Variants in ANO6 observed in about 807,000 individuals in gnomAD.
ANO6 encodes the protein anoctamin 6.
A neutral mutation model predicts 117.5 loss-of-function variants in ANO6; 106 were observed. The ratio of observed to expected loss-of-function variants is 0.90; its 90% CI spans 0.77 to 1.06. ANO6 has a LOEUF of 1.06. ANO6 is among the 50% of genes least tolerant of loss of function. The pLI, the probability that ANO6 is intolerant of heterozygous loss-of-function variation, is 0.00. For synonymous variants in ANO6, 367 were observed against 385.1 expected, an observed-to-expected ratio of 0.95 and a Z score of 0.55; for missense variants, 955 against 1,121.1, an observed-to-expected ratio of 0.85 and a Z score of 2.12.
chr12:45,326,690 A>G (rs1367930222), intron 2 of ANO6, among the ~76,000 whole-genome samples: 2 of 152,070 alleles, frequency 1.3e-5, no homozygotes, highest in East Asian at 3.9e-4. Flanking sequence ...TGTATACATC[A>G]TTTCCTATTT....
chr12:45,300,799 A>G (rs1328861046), intron 1 of ANO6, among the ~76,000 whole-genome samples: 1 of 152,212 alleles, frequency 6.6e-6, no homozygotes, highest in East Asian at 1.9e-4. Flanking sequence ...TTCTATTCAA[A>G]TTTTTGCAAG....
intron 9 of ANO6, among the ~76,000 whole-genome samples, chr12:45,377,679 A>T (rs1245613909): frequency 1.3e-5 from 2 of 152,224 alleles, no homozygotes; most frequent in African/African-American, 4.8e-5. Context: ...CTTAGGGATC[A>T]TTGTATTTGT....
intron 7 of ANO6, 125 bp from the exon 8 acceptor site, chr12:45,357,162 TTTA>T: frequency 9.5e-7 from 1 of 1,049,064 alleles, no homozygotes; most frequent in Non-Finnish European, 1.4e-6. Flanking sequence ...AAATGAATGT[TTTA>T]AGGGTGAATT....
intron 1 of ANO6, chr12:45,270,355 CTTG>C (rs1298486402): frequency 3.0e-6 from 4 of 1,354,888 alleles, no homozygotes; most frequent in South Asian, 2.0e-5. Context: ...AGGTCAGGTC[CTTG>C]TTGTTACAGA....
At chr12:45,425,875 T>C (rs1217556059) in intron 19 of ANO6, among the ~76,000 whole-genome samples, 1 of 152,218 alleles carries the variant, frequency 6.6e-6, no homozygotes, top group Non-Finnish European at 1.5e-5. Context: ...CTAAGATGTG[T>C]AAAGTGAGAT....
exon 20 of ANO6, chr12:45,439,812 T>C: frequency 1.3e-6 from 2 of 1,549,638 alleles, no homozygotes; most frequent in Non-Finnish European, 1.7e-6. Context: ...CTTCTGACTT[T>C]ATTGACTCCC....
At chr12:45,406,551 C>T in intron 15 of ANO6, among the ~76,000 whole-genome samples, 1 of 151,918 alleles carries the variant, frequency 6.6e-6, no homozygotes, top group East Asian at 1.9e-4. Flanking sequence ...TATATTGTAA[C>T]ATAAACGCCT....
intron 8 of ANO6, among the ~76,000 whole-genome samples, chr12:45,365,142 TGTGA>T (rs1446919585): frequency 6.6e-6 from 1 of 152,224 alleles, no homozygotes; most frequent in Non-Finnish European, 1.5e-5. Context: ...CATGGCTGTG[TGTGA>T]GTGTGTATTG....
chr12:45,439,557 C>A (rs549375861), intron 19 of ANO6: 91 of 981,516 alleles, frequency 9.3e-5, no homozygotes, highest in Non-Finnish European at 1.2e-4. Flanking sequence ...GACCTTTAAA[C>A]AAATTCTCAA....
At chr12:45,222,892 T>C (rs1240690911) in intron 1 of ANO6, among the ~76,000 whole-genome samples, 2 of 152,238 alleles carry the variant, frequency 1.3e-5, no homozygotes, top group African/African-American at 4.8e-5. Context: ...CTATTAGTAT[T>C]AAATCGTATG....
chr12:45,402,366 G>A (rs1763642041), intron 13 of ANO6, among the ~76,000 whole-genome samples: 1 of 152,184 alleles, frequency 6.6e-6, no homozygotes, highest in African/African-American at 2.4e-5. Context: ...TGGCAAATAT[G>A]TTCCTCGGTT....
chr12:45,302,054 A>G lies in ANO6; in HGVS notation c.111A>G (p.Gly37=). 1 of 1,614,030 alleles carries G rather than the reference A, an allele frequency of 6.2e-7. No individual in the cohort carries two copies. Among genetic ancestry groups the G allele is most frequent in the African/African-American group, 1.3e-5 (1 of 75,050 alleles). The change falls in exon 2 of 20, where the codon GGA becomes GGG. Residue 37 remains glycine, a synonymous_variant. Coordinates refer to ENST00000320560, the MANE Select transcript of ANO6 (RefSeq NM_001025356.3). ...GACAGACAATTGTCCCCGATTTGGG[A>G]TCACTGGAAAGTCAGCATGATTTTC... ...NLGQTIVPDL[G]SLESQHDFRT... is the part of the protein sequence containing the mutation.
Position 45,402,976 on chromosome 12 carries a change from G to A in ANO6, c.1613-96G>A, listed in dbSNP as rs965914618. On this transcript the variant is annotated intron_variant, in intron 13 of 19. Transcript: ENST00000320560. ...ACAGTGTGAATTGTATTTTTTTAAC[G>A]TGTTTAACGTGTTAACTCATGTATC... is the stretch of plus-strand genomic sequence containing the variant. 5.7e-5 allele frequency: 63 copies of A among 1,112,252 alleles called. No individual in the cohort carries two copies. In the Middle Eastern group the frequency reaches 6.9e-4, roughly 12 times the overall value. 68.9% of individuals were successfully genotyped at this position (1,112,252 alleles called of 1,614,324 possible).
chr12:45,247,401 G>A (rs1331767481), intron 1 of ANO6, among the ~76,000 whole-genome samples: 1 of 152,184 alleles, frequency 6.6e-6, no homozygotes, highest in Non-Finnish European at 1.5e-5. Context: ...GGTAGGTGCT[G>A]TTATATTACC....
chr12:45,251,605 A>T (rs759387956), intron 1 of ANO6, among the ~76,000 whole-genome samples: 2 of 152,180 alleles, frequency 1.3e-5, no homozygotes, highest in Non-Finnish European at 2.9e-5. Context: ...CCAGTGAAGA[A>T]GACAGAAGAT....
intron 2 of ANO6, among the ~76,000 whole-genome samples, chr12:45,317,113 G>GTGTGTGTGTGTGTGTATATATATATATA: frequency 4.5e-5 from 3 of 66,490 alleles, no homozygotes; most frequent in African/African-American, 1.2e-4. Flanking sequence ...CTTTTTATAT[G>GTGTGTGTGTGTGTGTATATATATATATA]TATATATATA....
chr12:45,347,485 A>C, intron 4 of ANO6: 1 of 198,400 alleles, frequency 5.0e-6, no homozygotes, highest in Non-Finnish European at 1.0e-5. Flanking sequence ...AAAAATATAT[A>C]TGTACACATT....
At chr12:45,295,475 C>T (rs1168181485) in intron 1 of ANO6, among the ~76,000 whole-genome samples, 1 of 152,156 alleles carries the variant, frequency 6.6e-6, no homozygotes, top group Non-Finnish European at 1.5e-5. Context: ...ACTGGGCAGG[C>T]CCAGCAATCT....
chr12:45,386,573 C>A (rs1182934242), intron 10 of ANO6, among the ~76,000 whole-genome samples: 1 of 152,240 alleles, frequency 6.6e-6, no homozygotes, highest in African/African-American at 2.4e-5. Context: ...CATCATGTAC[C>A]TGCCAGCAGG....
Sources: allele counts gnomAD v4.1 joint callset (sites outside exome capture counted in the v4.1 genomes callset), GRCh38; gene constraint gnomAD v4.1.1; transcripts MANE v1.5; gene names NCBI Gene and HGNC (gene_info 2026-07-23, HGNC 2026-07-21).